GRIK2: variants seen among roughly 807,000 people sequenced by gnomAD.
GRIK2 encodes glutamate receptor ionotropic, kainate 2.
A neutral mutation model predicts 100.3 loss-of-function variants in GRIK2; 32 were observed. That is an observed-to-expected ratio of 0.32 (90% CI 0.24 to 0.43). The LOEUF (loss-of-function observed/expected upper bound fraction) is 0.43, where lower values mean the gene tolerates loss of function less well. Among genes scored for constraint, GRIK2 ranks in the 20% least tolerant of loss-of-function variants. The pLI, the probability that GRIK2 is intolerant of heterozygous loss-of-function variation, is 1.00. For synonymous variants in GRIK2, 417 were observed against 389.4 expected (o/e 1.07, Z -0.83); for missense variants, 843 against 1,114.9 (o/e 0.76, Z 3.47).
chr6:101,903,154 C>A (rs188366501), intron 12 of GRIK2, among the ~76,000 whole-genome samples: 1 of 151,978 alleles, frequency 6.6e-6, no homozygotes, highest in Admixed American at 6.6e-5. Flanking sequence ...GGAGATGCTT[C>A]CTCTCTGTAT....
At chr6:101,494,971 T>TTATATATA (rs369006296) in intron 2 of GRIK2, among the ~76,000 whole-genome samples, 4,084 of 107,758 alleles carry the variant, frequency 0.038, 135 homozygotes, top group African/African-American at 0.046. Flanking sequence ...ATATATGCAT[T>TTATATATA]TATATATATA....
intron 2 of GRIK2, among the ~76,000 whole-genome samples, chr6:101,452,461 AT>A (rs1562147880): frequency 6.7e-6 from 1 of 149,128 alleles, no homozygotes; most frequent in East Asian, 2.0e-4. Flanking sequence ...TTTTTTTTTC[AT>A]TTTTTAAAAA....
intron 7 of GRIK2, among the ~76,000 whole-genome samples, chr6:101,739,875 A>G (rs1229659542): frequency 6.6e-6 from 1 of 152,182 alleles, no homozygotes; most frequent in African/African-American, 2.4e-5. Flanking sequence ...CCCGAAAAGT[A>G]TAAGGAGGCT....
intron 7 of GRIK2, among the ~76,000 whole-genome samples, chr6:101,707,856 A>T (rs1773448506): frequency 6.6e-6 from 1 of 151,552 alleles, no homozygotes; most frequent in African/African-American, 2.4e-5. Context: ...TTTCGTTATC[A>T]TTGATCAGTA....
rs554853159 is a variant in GRIK2, at chr6:101,813,811, A to G, written c.1204-4559A>G. ...AAACCCATCTTTTCTAAAAATATAA[A>G]AATTAGCTGGGCATGGTAGTGGGTG... On this transcript the variant is annotated intron_variant, in intron 9 of 16. Coordinates refer to ENST00000369134, the MANE Select transcript of GRIK2 (RefSeq NM_021956.5). 5.9e-5 allele frequency among the ~76,000 whole-genome samples: 9 copies of G among 152,040 alleles called. No homozygotes were observed. The East Asian group carries it at 1.7e-3, about 30-fold the overall frequency.
intron 13 of GRIK2, among the ~76,000 whole-genome samples, chr6:101,926,027 T>C (rs1789865643): frequency 6.6e-6 from 1 of 151,060 alleles, no homozygotes; most frequent in Middle Eastern, 3.2e-3. Flanking sequence ...ATATGTAAAC[T>C]ATATTTTTAT....
chr6:101,993,860 T>C (rs1005736760), intron 14 of GRIK2: 6 of 147,836 alleles, frequency 4.1e-5, no homozygotes, highest in Non-Finnish European at 9.0e-5. Context: ...GTATTTGCTC[T>C]ATTATTTAAT....
At chr6:101,550,049 A>G (rs1450751281) in intron 2 of GRIK2, among the ~76,000 whole-genome samples, 2 of 152,170 alleles carry the variant, frequency 1.3e-5, no homozygotes, top group Admixed American at 6.6e-5. Context: ...ATCATTTTCT[A>G]TTAGCTATCA....
At chr6:101,447,547 A>G (rs988547503) in intron 2 of GRIK2, among the ~76,000 whole-genome samples, 5 of 151,752 alleles carry the variant, frequency 3.3e-5, no homozygotes, top group African/African-American at 1.2e-4. Flanking sequence ...TATTTATGAC[A>G]TATGTAGAAA....
At chr6:101,494,515 G>T (rs1352862825) in intron 2 of GRIK2, among the ~76,000 whole-genome samples, 2 of 151,832 alleles carry the variant, frequency 1.3e-5, no homozygotes, top group Non-Finnish European at 2.9e-5. Context: ...TACTTTTACT[G>T]ATTATATTAT....
intron 2 of GRIK2, among the ~76,000 whole-genome samples, chr6:101,594,412 T>G (rs1434189739): frequency 6.6e-6 from 1 of 151,820 alleles, no homozygotes. Flanking sequence ...TTGATGGATG[T>G]ATTATATCAC....
At chr6:101,457,995 A>G (rs1771098910) in intron 2 of GRIK2, among the ~76,000 whole-genome samples, 1 of 152,202 alleles carries the variant, frequency 6.6e-6, no homozygotes, top group African/African-American at 2.4e-5. Context: ...AAAAGCAGAA[A>G]GCAAAAGCAC....
At chr6:101,760,581 T>A (rs1405056638) in intron 7 of GRIK2, among the ~76,000 whole-genome samples, 3 of 87,638 alleles carry the variant, frequency 3.4e-5, no homozygotes, top group Non-Finnish European at 5.6e-5. Context: ...TAATTAATTA[T>A]ATATAATTAT....
intron 10 of GRIK2, among the ~76,000 whole-genome samples, chr6:101,843,466 A>T (rs1400040446): frequency 6.6e-6 from 1 of 152,180 alleles, no homozygotes; most frequent in African/African-American, 2.4e-5. Flanking sequence ...CTCCATAGTT[A>T]TCTGTCTTGA....
At chr6:101,448,087 G>A (rs956920050) in intron 2 of GRIK2, among the ~76,000 whole-genome samples, 7 of 151,528 alleles carry the variant, frequency 4.6e-5, no homozygotes, top group African/African-American at 1.7e-4. Context: ...TTAATTAGAG[G>A]CATCAATCTT....
At chr6:101,473,037 A>AAT (rs1380985544) in intron 2 of GRIK2, among the ~76,000 whole-genome samples, 1 of 151,544 alleles carries the variant, frequency 6.6e-6, no homozygotes, top group Non-Finnish European at 1.5e-5. Flanking sequence ...TGTAAGAAAT[A>AAT]ATATATATAT....
chr6:101,874,013 T>C (rs1785623956), intron 11 of GRIK2, among the ~76,000 whole-genome samples: 1 of 152,114 alleles, frequency 6.6e-6, no homozygotes, highest in African/African-American at 2.4e-5. Context: ...GTCAGATGAG[T>C]AGATTGCAAA....
intron 7 of GRIK2, among the ~76,000 whole-genome samples, chr6:101,731,743 A>C (rs1032246670): frequency 1.3e-5 from 2 of 152,022 alleles, no homozygotes; most frequent in African/African-American, 2.4e-5. Flanking sequence ...TGCAAATGGC[A>C]TCAAAATATT....
intron 2 of GRIK2, among the ~76,000 whole-genome samples, chr6:101,476,589 T>C (rs527505033): frequency 6.6e-6 from 1 of 152,288 alleles, no homozygotes; most frequent in East Asian, 1.9e-4. Context: ...TGTATAGGAT[T>C]GTTGGGAAAA....
Sources: gnomAD v4.1 joint callset for allele counts (sites outside exome capture counted in the v4.1 genomes callset) on GRCh38, gnomAD v4.1.1 for gene constraint, MANE v1.5 for transcripts, NCBI Gene and HGNC (gene_info 2026-07-23, HGNC 2026-07-21) for gene names.